Variants in AGMO observed in about 807,000 individuals in gnomAD.
AGMO encodes alkylglycerol monooxygenase, also known as glyceryl-ether monooxygenase.
Under a neutral mutation model 60.2 loss-of-function variants are expected in AGMO, and 75 were observed. That is an observed-to-expected ratio of 1.25 (90% CI 1.03 to 1.51). The LOEUF (loss-of-function observed/expected upper bound fraction) is 1.51. Among genes scored for constraint, AGMO ranks in the 40% most tolerant of loss-of-function variants. AGMO has a pLI of 0.00. For missense variants in AGMO, 763 were observed against 525.5 expected, an observed-to-expected ratio of 1.45 and a Z score of -4.42; for synonymous variants, 261 against 177.1, an observed-to-expected ratio of 1.47 and a Z score of -3.76.
intron 12 of AGMO, among the ~76,000 whole-genome samples, chr7:15,216,037 G>C (rs1407686761): frequency 6.6e-6 from 1 of 152,038 alleles, no homozygotes; most frequent in Non-Finnish European, 1.5e-5. Flanking sequence ...ACAGTACACT[G>C]AGGTGAGCCA....
At chr7:15,487,529 T>C (rs1782954359) in intron 3 of AGMO, among the ~76,000 whole-genome samples, 1 of 152,182 alleles carries the variant, frequency 6.6e-6, no homozygotes, top group Admixed American at 6.5e-5. Flanking sequence ...ATATCAGGTA[T>C]CATGTTTTGT....
intron 12 of AGMO, among the ~76,000 whole-genome samples, chr7:15,320,806 A>G (rs1563085124): frequency 6.6e-6 from 1 of 152,158 alleles, no homozygotes; most frequent in Non-Finnish European, 1.5e-5. Context: ...TTTTCTTTCT[A>G]AACAAGGACC....
intron 3 of AGMO, among the ~76,000 whole-genome samples, chr7:15,528,026 G>A (rs1289824070): frequency 6.6e-6 from 1 of 152,092 alleles, no homozygotes; most frequent in East Asian, 1.9e-4. Context: ...TCAATGTTTT[G>A]ATGCCTGCTA....
chr7:15,365,711 A>C, intron 11 of AGMO, 92 bp from the exon 12 acceptor site: 1 of 833,306 alleles, frequency 1.2e-6, no homozygotes, highest in South Asian at 1.8e-5. Context: ...CATTCTCAAG[A>C]AATACCTAGT....
At chr7:15,447,679 T>A (rs1452152355) in intron 3 of AGMO, among the ~76,000 whole-genome samples, 1 of 152,040 alleles carries the variant, frequency 6.6e-6, no homozygotes, top group African/African-American at 2.4e-5. Context: ...GCCTCGCAGG[T>A]AGCTGGGACT....
intron 3 of AGMO, among the ~76,000 whole-genome samples, chr7:15,526,320 A>C (rs924866771): frequency 6.6e-6 from 1 of 152,198 alleles, no homozygotes; most frequent in Non-Finnish European, 1.5e-5. Context: ...GCAGGCCATC[A>C]ATCTTGCTAC....
intron 12 of AGMO, among the ~76,000 whole-genome samples, chr7:15,286,876 T>C (rs1417589061): frequency 6.6e-6 from 1 of 152,144 alleles, no homozygotes; most frequent in East Asian, 1.9e-4. Context: ...ATATACACCA[T>C]GGAATATTAC....
chr7:15,379,861 C>CA (rs1783605885), intron 10 of AGMO, among the ~76,000 whole-genome samples: 1 of 152,110 alleles, frequency 6.6e-6, no homozygotes, highest in Non-Finnish European at 1.5e-5. Context: ...TCAACATACA[C>CA]AAATCAGTCA....
chr7:15,276,189 T>C (rs1401614544), intron 12 of AGMO, among the ~76,000 whole-genome samples: 1 of 152,226 alleles, frequency 6.6e-6, no homozygotes, highest in African/African-American at 2.4e-5. Flanking sequence ...TTTGCATGTT[T>C]AGAACTCCTT....
At chr7:15,231,737 CGTTCT>C (rs1782265662) in intron 12 of AGMO, among the ~76,000 whole-genome samples, 1 of 152,096 alleles carries the variant, frequency 6.6e-6, no homozygotes, top group Non-Finnish European at 1.5e-5. Flanking sequence ...TGTCTTGCAG[CGTTCT>C]GTGAGGGTAA....
chr7:15,231,813 T>A (rs577662845), intron 12 of AGMO, among the ~76,000 whole-genome samples: 6 of 152,322 alleles, frequency 3.9e-5, no homozygotes, highest in Non-Finnish European at 7.4e-5. Context: ...TGTTTTCATA[T>A]GTGGCTGGTA....
chr7:15,411,666 G>C (rs1780613117), intron 5 of AGMO, among the ~76,000 whole-genome samples: 1 of 151,880 alleles, frequency 6.6e-6, no homozygotes, highest in African/African-American at 2.4e-5. Flanking sequence ...TAACGAATAT[G>C]TGCCAAGTAG....
chr7:15,134,855 C>T, the AGMO span, among the ~76,000 whole-genome samples: 2 of 152,008 alleles, frequency 1.3e-5, no homozygotes, highest in Admixed American at 1.3e-4. Flanking sequence ...TAACTGAGAG[C>T]TAATGGCAAT....
the AGMO span, among the ~76,000 whole-genome samples, chr7:15,178,078 C>A: frequency 3.7e-4 from 57 of 152,250 alleles, no homozygotes; most frequent in Non-Finnish European, 6.0e-4. Context: ...CTGGTTCAAT[C>A]CTTATTAGTA....
intron 12 of AGMO, among the ~76,000 whole-genome samples, chr7:15,351,224 A>G (rs2128553889): frequency 6.6e-6 from 1 of 152,264 alleles, no homozygotes; most frequent in South Asian, 2.1e-4. Context: ...GAAAATGCAA[A>G]TTTAAACTTA....
At chr7:15,273,154 G>A (rs1783667912) in intron 12 of AGMO, among the ~76,000 whole-genome samples, 2 of 152,168 alleles carry the variant, frequency 1.3e-5, no homozygotes, top group Non-Finnish European at 2.9e-5. Flanking sequence ...TGTCAATTTT[G>A]GCTTTTCTTG....
chr7:15,373,143 C>T (rs959026783), intron 10 of AGMO, among the ~76,000 whole-genome samples: 1 of 151,878 alleles, frequency 6.6e-6, no homozygotes, highest in Non-Finnish European at 1.5e-5. Flanking sequence ...GGCATGGTGG[C>T]GGTACTTGCC....
In AGMO at chr7:15,360,876, G is replaced by GA. The variant is rs764453915; in HGVS notation, c.1263+4637dup. Among the ~76,000 whole-genome samples, 7 of 152,050 alleles carry GA rather than the reference G, an allele frequency of 4.6e-5. No individual in the cohort carries two copies. In the East Asian group the frequency reaches 5.8e-4, roughly 13 times the overall value. ...CGCATGCCCTCATGCCCACACCTGAGAACACATGCAGATAAAATCAGGTTA... is the reference window on the plus strand; with the variant it reads ...CGCATGCCCTCATGCCCACACCTGAGAAACACATGCAGATAAAATCAGGTTA... On this transcript the variant is annotated intron_variant, in intron 12 of 12. Transcript: ENST00000342526.
At chr7:15,410,195 C>T (rs1784801785) in intron 5 of AGMO, among the ~76,000 whole-genome samples, 1 of 151,366 alleles carries the variant, frequency 6.6e-6, no homozygotes, top group Non-Finnish European at 1.5e-5. Flanking sequence ...ACTCTTTTTC[C>T]ACCATTTAAC....
Sources: gnomAD v4.1 joint callset for allele counts (sites outside exome capture counted in the v4.1 genomes callset) on GRCh38, gnomAD v4.1.1 for gene constraint, MANE v1.5 for transcripts, NCBI Gene and HGNC (gene_info 2026-07-23, HGNC 2026-07-21) for gene names.